The following CDH23 variants were observed in gnomAD, a reference collection of about 807,000 sequenced individuals.
CDH23 encodes cadherin related 23.
CDH23 carries 189 observed loss-of-function variants against 317.1 expected under a neutral mutation model. The ratio of observed to expected loss-of-function variants is 0.60; its 90% CI spans 0.53 to 0.67. The LOEUF (loss-of-function observed/expected upper bound fraction) is 0.67. Ranked by LOEUF, CDH23 falls within the 30% of genes least tolerant of loss-of-function variation. The probability of loss-of-function intolerance (pLI) is 0.00; values close to 1 mark genes in which losing one functional copy is unlikely to be tolerated. For missense variants in CDH23, 4,401 were observed against 4,592.4 expected, an observed-to-expected ratio of 0.96 and a Z score of 1.20; for synonymous variants, 1,839 against 1,876.8, an observed-to-expected ratio of 0.98 and a Z score of 0.52.
chr10:71,788,910 C>A, intron 44 of CDH23, 30 bp from the exon 45 acceptor site: 1 of 1,180,024 alleles, frequency 8.5e-7, no homozygotes, highest in Non-Finnish European at 1.3e-6. Context: ...TGAGCATGGC[C>A]TACAACGTGC....
At position 71,438,841 on chromosome 10, in the gene CDH23, A is replaced by G. The variant is rs541719442; in HGVS notation, c.-5-986A>G. On this transcript the variant is annotated intron_variant, in intron 1 of 69. Transcript: ENST00000224721. ...CAGGGAGATGAACACGCCCCAGGCCAGATGCACAGTAGGTATGCACTGAAG... is the reference window on the plus strand; with the variant it reads ...CAGGGAGATGAACACGCCCCAGGCCGGATGCACAGTAGGTATGCACTGAAG... 7.0e-4 allele frequency among the ~76,000 whole-genome samples: 107 copies of G among 152,308 alleles called. 1 individual carries two copies. Among genetic ancestry groups the G allele is most frequent in the African/African-American group, 2.5e-3 (102 of 41,550 alleles).
At chr10:71,590,882 AAAAAC>A (rs1168298423) in intron 9 of CDH23, among the ~76,000 whole-genome samples, 1 of 120,594 alleles carries the variant, frequency 8.3e-6, no homozygotes, top group African/African-American at 3.4e-5. Flanking sequence ...CTAAAAAAAA[AAAAAC>A]AAAAAAAAAC....
intron 3 of CDH23, among the ~76,000 whole-genome samples, chr10:71,456,227 C>A (rs80104716): frequency 6.6e-6 from 1 of 150,542 alleles, no homozygotes; most frequent in East Asian, 1.9e-4. Flanking sequence ...TCCAGGTGAT[C>A]GGTGCTGGAA....
At chr10:71,752,325 A>G (rs1185951852) in intron 38 of CDH23, among the ~76,000 whole-genome samples, 1 of 152,222 alleles carries the variant, frequency 6.6e-6, no homozygotes, top group Non-Finnish European at 1.5e-5. Flanking sequence ...CAACTCTTAG[A>G]TTCTAGATGA....
At chr10:71,782,536 A>G (rs1840984351) in intron 41 of CDH23, among the ~76,000 whole-genome samples, 1 of 152,178 alleles carries the variant, frequency 6.6e-6, no homozygotes, top group South Asian at 2.1e-4. Context: ...TGTCTCCAGG[A>G]GTTGTGGAGG....
rs766442116 is a variant in CDH23 at position 71,798,808 on chromosome 10, A to G, written c.7054+230A>G. ...GTCTGCCGGAAACCTGGGATACCCC[A>G]CCACCCAAGCTCCTACTATTAGTAC... is the stretch of plus-strand genomic sequence containing the variant. On this transcript the variant is annotated intron_variant, in intron 50 of 69. Transcript: ENST00000224721. Among the ~76,000 whole-genome samples, 106 of 152,258 alleles carry G rather than the reference A, an allele frequency of 7.0e-4. 1 individual carries two copies. Among genetic ancestry groups the G allele is most frequent in the Non-Finnish European group, 1.4e-3 (92 of 68,000 alleles).
chr10:71,628,958 A>G (rs961515278), intron 11 of CDH23, among the ~76,000 whole-genome samples: 1 of 152,192 alleles, frequency 6.6e-6, no homozygotes, highest in African/African-American at 2.4e-5. Context: ...CAGAGAGGAA[A>G]TGTTTTAGGG....
intron 11 of CDH23, among the ~76,000 whole-genome samples, chr10:71,628,922 T>A (rs946546565): frequency 3.3e-5 from 5 of 152,218 alleles, no homozygotes; most frequent in African/African-American, 1.2e-4. Context: ...ATATCTTTGC[T>A]CTTTTCACAT....
At chr10:71,468,008 A>C (rs1465305920) in intron 3 of CDH23, among the ~76,000 whole-genome samples, 1 of 152,114 alleles carries the variant, frequency 6.6e-6, no homozygotes, top group East Asian at 1.9e-4. Flanking sequence ...GTGGGCAGAC[A>C]CTTAATTTCT....
chr10:71,403,345 T>G (rs1158841416), intron 1 of CDH23, among the ~76,000 whole-genome samples: 1 of 70,648 alleles, frequency 1.4e-5, no homozygotes, highest in Non-Finnish European at 2.6e-5. Context: ...CTTTCTTTCT[T>G]TCTTTCTTTC....
chr10:71,663,196 T>C (rs1179430722), intron 14 of CDH23, among the ~76,000 whole-genome samples: 1 of 152,166 alleles, frequency 6.6e-6, no homozygotes, highest in African/African-American at 2.4e-5. Context: ...ATTCAACCCA[T>C]TACACACCCT....
chr10:71,673,219 G>C (rs894795862), intron 14 of CDH23, among the ~76,000 whole-genome samples: 2 of 152,198 alleles, frequency 1.3e-5, no homozygotes, highest in Non-Finnish European at 2.9e-5. Context: ...TGCCTGCCCT[G>C]CCCTCGTCCT....
chr10:71,739,037 A>G (rs1353131729), intron 35 of CDH23, among the ~76,000 whole-genome samples: 2 of 152,204 alleles, frequency 1.3e-5, no homozygotes, highest in Non-Finnish European at 2.9e-5. Flanking sequence ...CCCAGAGTGC[A>G]GAGGGAGAAG....
At chr10:71,427,208 A>G (rs1287317350) in intron 1 of CDH23, among the ~76,000 whole-genome samples, 10,774 of 97,850 alleles carry the variant, frequency 0.11, 1,004 homozygotes, top group Middle Eastern at 0.26. Flanking sequence ...AAAGAAAGAA[A>G]GAAAGAAAGA....
intron 14 of CDH23, chr10:71,646,869 T>G: frequency 6.9e-7 from 1 of 1,439,624 alleles, no homozygotes; most frequent in Non-Finnish European, 9.1e-7. Flanking sequence ...ACTGGTTTTC[T>G]GCCTTTCCCC....
At chr10:71,611,387 C>T (rs560475908) in intron 9 of CDH23, among the ~76,000 whole-genome samples, 1 of 152,204 alleles carries the variant, frequency 6.6e-6, no homozygotes, top group South Asian at 2.1e-4. Context: ...CTCTCTGTGG[C>T]GAGGCTCTCC....
intron 49 of CDH23, 122 bp downstream of exon 49, chr10:71,797,342 G>T: frequency 3.0e-6 from 2 of 675,352 alleles, no homozygotes; most frequent in South Asian, 1.7e-5. Flanking sequence ...TGCTCTGGGG[G>T]CCAGGAGTCA....
chr10:71,774,387 C>T (rs1014292446), intron 38 of CDH23, among the ~76,000 whole-genome samples: 1 of 152,220 alleles, frequency 6.6e-6, no homozygotes, highest in Non-Finnish European at 1.5e-5. Flanking sequence ...CAGGGCTCAG[C>T]TCAAGTCCTC....
intron 6 of CDH23, among the ~76,000 whole-genome samples, chr10:71,537,776 C>T (rs955477739): frequency 1.3e-5 from 2 of 152,224 alleles, no homozygotes; most frequent in Non-Finnish European, 2.9e-5. Flanking sequence ...TTTGGGCCCA[C>T]GCTGTGTTAA....
Sources: gnomAD v4.1 joint callset for allele counts (sites outside exome capture counted in the v4.1 genomes callset) on GRCh38, gnomAD v4.1.1 for gene constraint, MANE v1.5 for transcripts, NCBI Gene and HGNC (gene_info 2026-07-23, HGNC 2026-07-21) for gene names.